WWOX: variants seen among roughly 807,000 people sequenced by gnomAD.
The protein encoded by WWOX is WW domain-containing oxidoreductase.
WWOX carries 69 observed loss-of-function variants against 46.2 expected under a neutral mutation model. That is an observed-to-expected ratio of 1.49 (90% CI 1.23 to 1.82). The LOEUF (loss-of-function observed/expected upper bound fraction) is 1.82, where lower values mean the gene tolerates loss of function less well. WWOX is among the 40% of genes most tolerant of loss of function. The pLI, the probability that WWOX is intolerant of heterozygous loss-of-function variation, is 0.00. For synonymous variants in WWOX, 359 were observed against 202.6 expected (o/e 1.77, Z -6.56); for missense variants, 919 against 542.6 (o/e 1.69, Z -6.89).
rs1597207802 is a variant in WWOX, at chr16:78,108,421, A to T, written c.108-2A>T. 1 of 1,613,374 alleles carries T rather than the reference A, an allele frequency of 6.2e-7. No homozygotes were observed. Among genetic ancestry groups the T allele is most frequent in the Non-Finnish European group, 8.5e-7 (1 of 1,179,720 alleles). ...TACTGTGGATTTTTTGTTTTTTAAC[A>T]GTCACACCGAGGAGAAGACTCAGTG... On this transcript the variant is annotated splice_acceptor_variant, in intron 1 of 8. Transcript: ENST00000566780. LOFTEE classifies it high-confidence loss of function.
Position 78,099,826 on chromosome 16 carries a change from C to A in WWOX, c.48C>A (p.Asp16Glu), listed in dbSNP as rs2031630084. ...YAGLDDTDSE[D>E]ELPPGWEERT... ...GGCTGGACGACACGGACAGTGAGGA[C>A]GAGCTGCCTCCGGGCTGGGAGGAGA... is the stretch of plus-strand genomic sequence containing the variant. The change falls in exon 1 of 9, where the codon GAC (aspartate) becomes GAA (glutamate). Residue 16 changes from aspartate to glutamate, a missense_variant. Coordinates refer to ENST00000566780, the MANE Select transcript of WWOX (RefSeq NM_016373.4). 1.9e-6 allele frequency: 3 copies of A among 1,580,864 alleles called. No individual in the cohort carries two copies. In the African/African-American group the frequency reaches 4.1e-5, roughly 21 times the overall value.
In WWOX at chr16:78,685,879, AAGAG is replaced by A. The variant is rs369097535; in HGVS notation, c.1056+253136_1056+253139del. Among the ~76,000 whole-genome samples, 5 of 147,926 alleles carry A rather than the reference AAGAG, an allele frequency of 3.4e-5. No homozygotes were observed. The East Asian group carries it at 1.0e-3, about 30-fold the overall frequency. On this transcript the variant is annotated intron_variant, in intron 8 of 8. Coordinates refer to ENST00000566780, the MANE Select transcript of WWOX (RefSeq NM_016373.4). ...TCTGAGAGCAGGGCCAAGAAAGGGA[AAGAG>A]AGAGAGAGGAAAAAAAACAAAAAAG...
intron 5 of WWOX, among the ~76,000 whole-genome samples, chr16:78,264,034 G>T (rs555750989): frequency 1.9e-5 from 1 of 52,128 alleles, no homozygotes; most frequent in Non-Finnish European, 3.8e-5. Context: ...GCTGTGGAGC[G>T]CAAAATGTTC....
intron 8 of WWOX, among the ~76,000 whole-genome samples, chr16:78,846,872 C>G (rs929509165): frequency 6.6e-6 from 1 of 152,148 alleles, no homozygotes; most frequent in Admixed American, 6.5e-5. Flanking sequence ...GGGAATTCTT[C>G]TACATGGAAG....
chr16:78,952,228 A>T (rs749462560), intron 8 of WWOX, among the ~76,000 whole-genome samples: 1 of 151,782 alleles, frequency 6.6e-6, no homozygotes. Context: ...CTTTGCCTCT[A>T]CTCAGTCTTT....
At chr16:79,106,349 T>C (rs1260902939) in intron 8 of WWOX, among the ~76,000 whole-genome samples, 3 of 152,194 alleles carry the variant, frequency 2.0e-5, no homozygotes, top group African/African-American at 7.2e-5. Flanking sequence ...AAAGAATCTT[T>C]GGCATTCAGA....
At chr16:78,547,979 C>A (rs552488048) in intron 8 of WWOX, among the ~76,000 whole-genome samples, 1 of 151,830 alleles carries the variant, frequency 6.6e-6, no homozygotes, top group South Asian at 2.1e-4. Flanking sequence ...TGGTGAAACC[C>A]CGTCTTTTCT....
intron 8 of WWOX, among the ~76,000 whole-genome samples, chr16:78,670,700 T>G (rs1443924584): frequency 6.6e-6 from 1 of 151,994 alleles, no homozygotes; most frequent in African/African-American, 2.4e-5. Context: ...AAAACAGAGA[T>G]AGAGTCTTGC....
intron 8 of WWOX, among the ~76,000 whole-genome samples, chr16:78,488,005 T>C (rs1332755747): frequency 1.3e-5 from 2 of 152,104 alleles, no homozygotes; most frequent in Non-Finnish European, 2.9e-5. Context: ...TCCTCAGAAA[T>C]GGGGCTTCTA....
At chr16:78,406,319 TA>T (rs1567553336) in intron 6 of WWOX, among the ~76,000 whole-genome samples, 1,857 of 77,574 alleles carry the variant, frequency 0.024, 144 homozygotes, top group African/African-American at 0.19. Flanking sequence ...TATATATATA[TA>T]TATATATATA....
intron 6 of WWOX, among the ~76,000 whole-genome samples, chr16:78,403,175 G>T (rs762599968): frequency 1.4e-4 from 22 of 152,166 alleles, no homozygotes; most frequent in Non-Finnish European, 7.3e-5. Flanking sequence ...ACTTGACCAC[G>T]TGCTTAAGCA....
chr16:78,408,306 C>G (rs2082597524), intron 6 of WWOX, among the ~76,000 whole-genome samples: 3 of 152,090 alleles, frequency 2.0e-5, no homozygotes, highest in Admixed American at 6.6e-5. Context: ...TCACTTTAAC[C>G]TTCTGTGCAT....
In WWOX at chr16:78,477,669, T is replaced by C. The variant is rs543742082; in HGVS notation, c.1056+44917T>C. 2.6e-5 allele frequency among the ~76,000 whole-genome samples: 4 copies of C among 152,308 alleles called. No individual in the cohort carries two copies. In the South Asian group the frequency reaches 8.3e-4, roughly 32 times the overall value. ...AATCATATCATATATATAAATCATA[T>C]TTTAGCCTATAAACTGAAATGGCAA... On this transcript the variant is annotated intron_variant, in intron 8 of 8. Coordinates refer to ENST00000566780, the MANE Select transcript of WWOX (RefSeq NM_016373.4).
At chr16:78,844,740 G>C (rs146885813) in intron 8 of WWOX, among the ~76,000 whole-genome samples, 3 of 152,210 alleles carry the variant, frequency 2.0e-5, no homozygotes, top group Non-Finnish European at 4.4e-5. Flanking sequence ...AGATGCGTCT[G>C]GAAACCCCAG....
At chr16:78,693,675 C>T (rs1475728003) in intron 8 of WWOX, among the ~76,000 whole-genome samples, 6 of 152,080 alleles carry the variant, frequency 3.9e-5, no homozygotes, top group East Asian at 1.9e-4. Context: ...CTATTGGCAT[C>T]GAGTGGATGG....
chr16:79,003,384 A>T (rs1047283337), intron 8 of WWOX, among the ~76,000 whole-genome samples: 2 of 152,200 alleles, frequency 1.3e-5, no homozygotes, highest in African/African-American at 4.8e-5. Flanking sequence ...GTTTCATTTC[A>T]TCCTCCCATT....
chr16:79,077,728 A>G (rs181374932), intron 8 of WWOX, among the ~76,000 whole-genome samples: 6 of 152,146 alleles, frequency 3.9e-5, no homozygotes, highest in Admixed American at 2.0e-4. Flanking sequence ...GGTGTAAGAA[A>G]TAATAATCTT....
chr16:78,789,815 C>A (rs780531470), intron 8 of WWOX, among the ~76,000 whole-genome samples: 2 of 152,178 alleles, frequency 1.3e-5, no homozygotes, highest in Non-Finnish European at 2.9e-5. Flanking sequence ...TTTTCCCCCT[C>A]CAGCTGTAGG....
intron 8 of WWOX, among the ~76,000 whole-genome samples, chr16:78,541,775 T>TA (rs2151528465): frequency 6.6e-6 from 1 of 152,232 alleles, no homozygotes; most frequent in Admixed American, 6.5e-5. Context: ...GTCAATGGGT[T>TA]AGGCACAGAC....
Sources: allele counts gnomAD v4.1 joint callset (sites outside exome capture counted in the v4.1 genomes callset), GRCh38; gene constraint gnomAD v4.1.1; transcripts MANE v1.5; gene names NCBI Gene and HGNC (gene_info 2026-07-23, HGNC 2026-07-21).